Variants in GLIS3 observed in about 807,000 individuals in gnomAD.
GLIS3 encodes zinc finger protein GLIS3.
A neutral mutation model predicts 78.6 loss-of-function variants in GLIS3; 53 were observed. The observed-to-expected ratio is 0.67, with a 90% confidence interval of 0.54 to 0.85. The LOEUF (loss-of-function observed/expected upper bound fraction) is 0.85, where lower values mean the gene tolerates loss of function less well. Ranked by LOEUF, GLIS3 falls within the 40% of genes least tolerant of loss-of-function variation. The pLI, the probability that GLIS3 is intolerant of heterozygous loss-of-function variation, is 0.00. For missense variants in GLIS3, 1,703 were observed against 1,231.1 expected, an observed-to-expected ratio of 1.38 and a Z score of -5.74; for synonymous variants, 684 against 509.9, an observed-to-expected ratio of 1.34 and a Z score of -4.60.
chr9:4,332,294 G>A (rs1207152166), intron 2 of GLIS3, among the ~76,000 whole-genome samples: 2 of 152,104 alleles, frequency 1.3e-5, no homozygotes, highest in Non-Finnish European at 2.9e-5. Context: ...ATTGGGCTAG[G>A]TTTTGGAGGC....
At chr9:4,037,117 A>G (rs1824382396) in intron 4 of GLIS3, among the ~76,000 whole-genome samples, 1 of 152,182 alleles carries the variant, frequency 6.6e-6, no homozygotes, top group Non-Finnish European at 1.5e-5. Flanking sequence ...GAATAGCTTT[A>G]CCTTCCTTAC....
At position 4,050,613 on chromosome 9, in the gene GLIS3, ATTTT is replaced by A. The variant is rs1825684286; in HGVS notation, c.1710+67151_1710+67154del. 2.7e-5 allele frequency among the ~76,000 whole-genome samples: 4 copies of A among 149,840 alleles called. No homozygotes were observed. In the East Asian group the frequency reaches 8.0e-4, roughly 30 times the overall value. On this transcript the variant is annotated intron_variant, in intron 4 of 10. Coordinates refer to ENST00000381971, the MANE Select transcript of GLIS3 (RefSeq NM_001042413.2). The stretch of plus-strand genomic sequence containing the variant: ...AAGTATAATAATAAAAATAAAAGTA[ATTTT>A]AAAAAAATCTTCCGAGGAATGTTTG...
At chr9:3,873,837 TA>T (rs34764845) in intron 8 of GLIS3, among the ~76,000 whole-genome samples, 148,627 of 152,206 alleles carry the variant, frequency 0.98, 72,663 homozygotes, top group Non-Finnish European at 1. Context: ...CCATAGAGAC[TA>T]AAAAAAACTG....
intron 2 of GLIS3, among the ~76,000 whole-genome samples, chr9:4,315,120 A>C (rs572752567): frequency 9.2e-5 from 14 of 152,320 alleles, no homozygotes; most frequent in Admixed American, 3.3e-4. Context: ...ACTCCCACCA[A>C]AGAGAAGAGA....
intron 4 of GLIS3, among the ~76,000 whole-genome samples, chr9:4,051,431 C>T (rs1310534407): frequency 1.3e-5 from 2 of 152,084 alleles, no homozygotes; most frequent in African/African-American, 4.8e-5. Context: ...GGGTATAGAG[C>T]TTTGTATCTA....
chr9:4,266,206 C>T (rs575355046), intron 2 of GLIS3, among the ~76,000 whole-genome samples: 34 of 151,530 alleles, frequency 2.2e-4, no homozygotes, highest in African/African-American at 8.0e-4. Context: ...GTGTGAGCCA[C>T]CGCGCCTGGC....
chr9:4,303,867 T>G (rs1817156552), upstream of GLIS3, among the ~76,000 whole-genome samples: 1 of 152,220 alleles, frequency 6.6e-6, no homozygotes, highest in African/African-American at 2.4e-5. Flanking sequence ...AATACAATAT[T>G]CCGCAGGCAG....
At chr9:3,875,948 C>G (rs1450290514) in intron 8 of GLIS3, among the ~76,000 whole-genome samples, 1 of 152,202 alleles carries the variant, frequency 6.6e-6, no homozygotes, top group Non-Finnish European at 1.5e-5. Flanking sequence ...GACTTCCAAA[C>G]TGAATCACTC....
chr9:4,325,744 C>T (rs1817588667), intron 2 of GLIS3, among the ~76,000 whole-genome samples: 1 of 151,972 alleles, frequency 6.6e-6, no homozygotes, highest in Non-Finnish European at 1.5e-5. Context: ...TCAAAGTAAT[C>T]TTGTTCATGA....
intron 2 of GLIS3, among the ~76,000 whole-genome samples, chr9:4,272,093 G>C (rs1587250238): frequency 1.3e-5 from 2 of 152,170 alleles, no homozygotes; most frequent in Admixed American, 1.3e-4. Flanking sequence ...GGCCGACCCA[G>C]AGTAAGGGCT....
intron 2 of GLIS3, among the ~76,000 whole-genome samples, chr9:4,270,447 G>A (rs908971273): frequency 1.3e-5 from 2 of 152,182 alleles, no homozygotes; most frequent in African/African-American, 2.4e-5. Flanking sequence ...TCCCTAGGAT[G>A]TAATTGAGTT....
chr9:4,015,533 C>T (rs1011203264), intron 4 of GLIS3, among the ~76,000 whole-genome samples: 1 of 152,188 alleles, frequency 6.6e-6, no homozygotes, highest in Non-Finnish European at 1.5e-5. Flanking sequence ...CTCTCCCATC[C>T]TCCCATCCCA....
At chr9:4,054,404 T>C (rs930696513) in intron 4 of GLIS3, 12 of 985,248 alleles carry the variant, frequency 1.2e-5, no homozygotes, top group Non-Finnish European at 1.4e-5. Context: ...AGGAACCATC[T>C]GAATTTAACG....
At chr9:4,468,521 T>C in the GLIS3 span, among the ~76,000 whole-genome samples, 2 of 152,188 alleles carry the variant, frequency 1.3e-5, no homozygotes, top group South Asian at 2.1e-4. Flanking sequence ...CAGAATTTCA[T>C]ATCCAGCCAA....
intron 4 of GLIS3, among the ~76,000 whole-genome samples, chr9:4,097,284 G>A (rs1188993001): frequency 4.0e-5 from 6 of 151,888 alleles, no homozygotes; most frequent in Admixed American, 1.3e-4. Flanking sequence ...AGGATTCAAA[G>A]TAAAAAAAAG....
intron 2 of GLIS3, among the ~76,000 whole-genome samples, chr9:4,154,624 TA>T (rs1315772514): frequency 5.9e-5 from 9 of 152,074 alleles, no homozygotes; most frequent in African/African-American, 2.2e-4. Context: ...AACATTCATG[TA>T]GGGGGAAAAA....
At chr9:3,847,786 C>G (rs1588078354) in intron 9 of GLIS3, among the ~76,000 whole-genome samples, 1 of 152,190 alleles carries the variant, frequency 6.6e-6, no homozygotes, top group African/African-American at 2.4e-5. Context: ...TTCTCAAGTA[C>G]TACTTATGTA....
intron 2 of GLIS3, among the ~76,000 whole-genome samples, chr9:4,322,248 T>A (rs1434381626): frequency 6.6e-6 from 1 of 152,220 alleles, no homozygotes; most frequent in East Asian, 1.9e-4. Flanking sequence ...ATGGTGTATA[T>A]GTGCCACATT....
At chr9:4,353,484 G>T in the GLIS3 span, among the ~76,000 whole-genome samples, 1 of 152,178 alleles carries the variant, frequency 6.6e-6, no homozygotes, top group African/African-American at 2.4e-5. Context: ...TCTGGACTCA[G>T]CCCAGCCAAG....
Sources: gnomAD v4.1 joint callset for allele counts (sites outside exome capture counted in the v4.1 genomes callset) on GRCh38, gnomAD v4.1.1 for gene constraint, MANE v1.5 for transcripts, NCBI Gene and HGNC (gene_info 2026-07-23, HGNC 2026-07-21) for gene names.